METTL15: variants seen among roughly 807,000 people sequenced by gnomAD.
METTL15 encodes the protein 12S rRNA N(4)-cytidine methyltransferase METTL15.
METTL15 carries 34 observed loss-of-function variants against 38.3 expected under a neutral mutation model. The observed-to-expected ratio is 0.89, with a 90% CI of 0.68 to 1.18. The LOEUF (loss-of-function observed/expected upper bound fraction) is 1.18. Among genes scored for constraint, METTL15 ranks in the 50% most tolerant of loss-of-function variants. The pLI is 0.00. For synonymous variants in METTL15, 162 were observed against 170.9 expected (o/e 0.95, Z 0.41); for missense variants, 438 against 498.4 (o/e 0.88, Z 1.15).
At chr11:28,352,035 T>C (rs1222086164) in intron 3 of METTL15, 2 of 152,232 alleles carry the variant, frequency 1.3e-5, no homozygotes, top group African/African-American at 4.8e-5. Context: ...ATTGTGATTC[T>C]AGGTAATGTA....
At chr11:28,484,005 G>T (rs1851417912) in intron 6 of METTL15, among the ~76,000 whole-genome samples, 1 of 152,014 alleles carries the variant, frequency 6.6e-6, no homozygotes, top group Non-Finnish European at 1.5e-5. Context: ...GTAAAAACAA[G>T]ATTCTACATC....
chr11:28,507,365 A>C (rs765333414), intron 6 of METTL15, among the ~76,000 whole-genome samples: 2 of 152,060 alleles, frequency 1.3e-5, no homozygotes, highest in Non-Finnish European at 2.9e-5. Context: ...TCTCCTAAGA[A>C]CTCACTATCA....
chr11:28,134,434 C>T (rs921547539), intron 3 of METTL15: 11 of 397,218 alleles, frequency 2.8e-5, no homozygotes, highest in Admixed American at 8.8e-5. Flanking sequence ...AGGCAAGGCC[C>T]CTGTGCAAGT....
chr11:28,250,951 T>G (rs1854716867), intron 4 of METTL15, among the ~76,000 whole-genome samples: 3 of 152,034 alleles, frequency 2.0e-5, no homozygotes, highest in African/African-American at 7.2e-5. Flanking sequence ...TTTCAGGGAT[T>G]TCTGCAGATA....
rs1278850432 is a variant in METTL15 at position 28,276,051 on chromosome 11, C to G, written c.408-14155C>G. Among the ~76,000 whole-genome samples, 3 of 152,012 alleles carry G rather than the reference C, an allele frequency of 2.0e-5. No individual in the cohort carries two copies. The East Asian group carries it at 5.8e-4, about 29-fold the overall frequency. On this transcript the variant is annotated intron_variant, in intron 4 of 6. Coordinates refer to ENST00000407364, the MANE Select transcript of METTL15 (RefSeq NM_001113528.2). ...GGAACTGTTACAAGACAAAGATGCT[C>G]ACATTCACCACTGCCTTTCAACATA...
At chr11:28,242,753 C>G (rs1854353511) in intron 4 of METTL15, among the ~76,000 whole-genome samples, 1 of 152,054 alleles carries the variant, frequency 6.6e-6, no homozygotes, top group African/African-American at 2.4e-5. Context: ...AAGCATTCTC[C>G]ATGAACCCTG....
At chr11:28,410,849 ATATGATTCTATAGGCAGAAAACCCC>A (rs1850718585) in intron 5 of METTL15, 1 of 152,112 alleles carries the variant, frequency 6.6e-6, no homozygotes, top group South Asian at 2.1e-4. Context: ...TTTTCAGATA[ATATGATTCTATAGGCAGAAAACCCC>A]AAAGATTACA....
intron 4 of METTL15, among the ~76,000 whole-genome samples, chr11:28,234,202 C>T (rs555727304): frequency 6.6e-6 from 1 of 152,218 alleles, no homozygotes; most frequent in South Asian, 2.1e-4. Flanking sequence ...TCCACTCTAT[C>T]ATTGTTGGAC....
chr11:28,448,792 C>G (rs1851095795), intron 6 of METTL15, among the ~76,000 whole-genome samples: 1 of 152,114 alleles, frequency 6.6e-6, no homozygotes, highest in Non-Finnish European at 1.5e-5. Context: ...CCCACCCCAC[C>G]ACCACCATTT....
chr11:28,310,878 A>ATGCTGCTGCTGCTGCTGCTGC (rs878913369), intron 6 of METTL15, among the ~76,000 whole-genome samples: 35 of 64,726 alleles, frequency 5.4e-4, no homozygotes, highest in African/African-American at 2.3e-3. Context: ...CCTAGCTTAA[A>ATGCTGCTGCTGCTGCTGCTGC]TGCTGCTGCT....
intron 6 of METTL15, among the ~76,000 whole-genome samples, chr11:28,487,335 T>G (rs1356758037): frequency 6.6e-6 from 1 of 152,156 alleles, no homozygotes; most frequent in Non-Finnish European, 1.5e-5. Flanking sequence ...TTATGGTTCA[T>G]TAATACCATG....
chr11:28,221,931 T>C (rs1033070317), intron 4 of METTL15, among the ~76,000 whole-genome samples: 40 of 152,026 alleles, frequency 2.6e-4, no homozygotes, highest in Admixed American at 2.6e-3. Flanking sequence ...CTCAGAGGGG[T>C]ACCTGGCCGT....
downstream of METTL15, among the ~76,000 whole-genome samples, chr11:28,336,568 T>G: frequency 6.6e-6 from 1 of 152,162 alleles, no homozygotes; most frequent in Middle Eastern, 3.2e-3. Context: ...ATAGGTGGAC[T>G]ACACTCATGC....
At chr11:28,210,331 A>G (rs969731461) in intron 3 of METTL15, among the ~76,000 whole-genome samples, 2 of 151,956 alleles carry the variant, frequency 1.3e-5, no homozygotes, top group African/African-American at 2.4e-5. Context: ...TACCTTAACA[A>G]TTAGGCAGGT....
intron 6 of METTL15, among the ~76,000 whole-genome samples, chr11:28,459,695 A>G (rs1009083146): frequency 5.9e-5 from 9 of 152,180 alleles, no homozygotes; most frequent in African/African-American, 1.7e-4. Flanking sequence ...ACCAATTTCT[A>G]TCTATGCTCA....
chr11:28,143,963 TC>T (rs1849791014), intron 3 of METTL15, among the ~76,000 whole-genome samples: 1 of 152,156 alleles, frequency 6.6e-6, no homozygotes, highest in South Asian at 2.1e-4. Context: ...TTTTGACATT[TC>T]ATTTCCAGGT....
At chr11:28,228,404 A>G (rs1853564749) in intron 4 of METTL15, among the ~76,000 whole-genome samples, 1 of 151,932 alleles carries the variant, frequency 6.6e-6, no homozygotes. Flanking sequence ...AAATAATAAC[A>G]TTACATACTT....
chr11:28,312,299 C>CAA (rs2134028837), intron 6 of METTL15, among the ~76,000 whole-genome samples: 1 of 152,224 alleles, frequency 6.6e-6, no homozygotes, highest in East Asian at 1.9e-4. Flanking sequence ...TTAGAGACAG[C>CAA]ATATATATAA....
chr11:28,433,896 A>G (rs1850958499), intron 6 of METTL15, among the ~76,000 whole-genome samples: 1 of 152,130 alleles, frequency 6.6e-6, no homozygotes, highest in South Asian at 2.1e-4. Flanking sequence ...CTAAAATGTA[A>G]TGTTTAATTG....
Sources: allele counts gnomAD v4.1 joint callset (sites outside exome capture counted in the v4.1 genomes callset), GRCh38; gene constraint gnomAD v4.1.1; transcripts MANE v1.5; gene names NCBI Gene and HGNC (gene_info 2026-07-23, HGNC 2026-07-21).